KDM1A: variants seen among roughly 807,000 people sequenced by gnomAD.
KDM1A encodes lysine-specific histone demethylase 1A.
In KDM1A, 49 loss-of-function variants were observed where a neutral mutation model predicts 109.4. The observed-to-expected ratio is 0.45, with a 90% CI of 0.36 to 0.57. The LOEUF (loss-of-function observed/expected upper bound fraction) is 0.57. KDM1A is among the 20% of genes least tolerant of loss of function. The probability of loss-of-function intolerance (pLI) is 0.00; values close to 1 mark genes in which losing one functional copy is unlikely to be tolerated. For missense variants in KDM1A, 668 were observed against 1,116.6 expected, an observed-to-expected ratio of 0.60 and a Z score of 5.73; for synonymous variants, 380 against 415.4, an observed-to-expected ratio of 0.91 and a Z score of 1.04.
intron 16 of KDM1A, among the ~76,000 whole-genome samples, chr1:23,078,122 C>G (rs750161165): frequency 1.4e-4 from 21 of 152,082 alleles, no homozygotes; most frequent in African/African-American, 2.2e-4. Context: ...CTGCGCTGCC[C>G]CTTTCCTTGG....
chr1:23,046,293 TTC>T (rs1282858529), intron 3 of KDM1A, among the ~76,000 whole-genome samples: 1 of 152,166 alleles, frequency 6.6e-6, no homozygotes, highest in Non-Finnish European at 1.5e-5. Flanking sequence ...GGTTGTACAA[TTC>T]TCTTTTCGTT....
At chr1:23,041,434 G>GC (rs1642328517) in intron 2 of KDM1A, among the ~76,000 whole-genome samples, 4 of 79,026 alleles carry the variant, frequency 5.1e-5, no homozygotes, top group Admixed American at 1.3e-4. Context: ...TTCTTTTCTT[G>GC]CTTTTTTTTT....
At chr1:23,054,243 G>A (rs546697530) in intron 5 of KDM1A, among the ~76,000 whole-genome samples, 1 of 152,186 alleles carries the variant, frequency 6.6e-6, no homozygotes, top group African/African-American at 2.4e-5. Context: ...CATTCCATTT[G>A]TGGTGGAATG....
At chr1:23,069,026 C>CT in intron 11 of KDM1A, 35 bp from the exon 12 acceptor site, 1 of 1,469,070 alleles carries the variant, frequency 6.8e-7, no homozygotes, top group Non-Finnish European at 9.3e-7. Context: ...GCAAAGTTGG[C>CT]TTTGAGAGCA....
chr1:23,079,753 C>G lies in KDM1A; in HGVS notation c.2170+86C>G, dbSNP rs567151. On this transcript the variant is annotated intron_variant, in intron 18 of 20. Coordinates refer to ENST00000400181, the MANE Select transcript of KDM1A (RefSeq NM_001009999.3). The surrounding 1 kb of genome is among the most constrained non-coding windows in gnomAD (Gnocchi z 5.6). ...TTTTGGGTTTTCTCAATATATATGC[C>G]TTAATTTCTCTCTTTATTAACTCAA... 3.8e-3 allele frequency: 2,724 copies of G among 717,808 alleles called. 68 individuals carry two copies. The African/African-American group carries it at 0.044, about 12-fold the overall frequency. 44.5% of individuals were successfully genotyped at this position (717,808 alleles called of 1,614,324 possible). A position where few individuals can be genotyped will look rare whatever the true frequency, so the allele number is the denominator to read the frequency against.
At chr1:23,073,808 G>A (rs919725317) in intron 15 of KDM1A, among the ~76,000 whole-genome samples, 1 of 152,206 alleles carries the variant, frequency 6.6e-6, no homozygotes, top group African/African-American at 2.4e-5. Flanking sequence ...TGTGCATGAA[G>A]TTTTTGAGAT....
chr1:23,024,141 A>T (rs1641726019), intron 1 of KDM1A, among the ~76,000 whole-genome samples: 1 of 151,742 alleles, frequency 6.6e-6, no homozygotes, highest in Non-Finnish European at 1.5e-5. Context: ...GAGCCACCTC[A>T]CCCAACCAAG....
intron 18 of KDM1A, chr1:23,081,195 C>T (rs756342981): frequency 2.4e-6 from 1 of 417,774 alleles, no homozygotes; most frequent in Non-Finnish European, 4.3e-6. Flanking sequence ...TGTATTTTGC[C>T]AGGTTAGAAG....
intron 8 of KDM1A, 40 bp from the exon 9 acceptor site, chr1:23,059,033 C>G: frequency 2.3e-6 from 3 of 1,318,550 alleles, no homozygotes; most frequent in Non-Finnish European, 3.2e-6. Flanking sequence ...GTTCTCTCTT[C>G]ATAGGTCTAT....
rs1421878551 is a variant in KDM1A, at chr1:23,042,448, T to A, written c.518-1979T>A. On this transcript the variant is annotated intron_variant, in intron 2 of 20. Transcript: ENST00000400181. ...AATCTATGAAATATATTATTTTTTT[T>A]TTTTTTTTTTTTTTTTTTTTTTGAG... Among the ~76,000 whole-genome samples the A allele has an allele frequency of 6.0e-3, 548 of 91,360 alleles. 28 individuals carry two copies. Among genetic ancestry groups the A allele is most frequent in the African/African-American group, 0.021 (492 of 23,660 alleles). 59.9% of individuals were successfully genotyped at this position (91,360 alleles called of 152,430 possible). A position where few individuals can be genotyped will look rare whatever the true frequency, so the allele number is the denominator to read the frequency against.
chr1:23,058,921 A>T, intron 8 of KDM1A, 152 bp from the exon 9 acceptor site: 1 of 457,624 alleles, frequency 2.2e-6, no homozygotes, highest in Non-Finnish European at 3.8e-6. Flanking sequence ...TGTCTTACAT[A>T]TTTTTACTTA....
chr1:23,081,809 A>T (rs1643628040), intron 19 of KDM1A: 2 of 492,262 alleles, frequency 4.1e-6, no homozygotes, highest in East Asian at 6.7e-5. Flanking sequence ...CTTTAGAGTC[A>T]CACCAGATCC....
At position 23,055,083 on chromosome 1, in the gene KDM1A, G is replaced by A; in HGVS notation, c.805G>A (p.Val269Ile). 6.2e-7 allele frequency: 1 copy of A among 1,608,928 alleles called. No homozygotes were observed. The highest frequency in any genetic ancestry group is 8.5e-7 in the Non-Finnish European group (1 of 1,177,258). Reference sequence around the variant, plus strand: ...TTATTCTGTAGGTGATACTGTGCTTGTCCACCGAGTTCACAGTTATTTAGA... The same window carrying A: ...TTATTCTGTAGGTGATACTGTGCTTATCCACCGAGTTCACAGTTATTTAGA... ...EAPYNSDTVL[V>I]HRVHSYLERH... The change falls in exon 6 of 21, where the codon GTC becomes ATC. Residue 269 changes from valine to isoleucine, a missense_variant. This residue lies in a region of KDM1A where 149 missense variants were observed against 189.7 expected (regional missense o/e 0.79). Transcript: ENST00000400181.
chr1:23,034,895 G>A (rs1642097211), intron 2 of KDM1A, among the ~76,000 whole-genome samples: 1 of 152,128 alleles, frequency 6.6e-6, no homozygotes, highest in African/African-American at 2.4e-5. Flanking sequence ...AGAGACATCA[G>A]AAGTGTGTGT....
At chr1:23,044,275 C>G (rs1418403954) in intron 2 of KDM1A, 152 bp from the exon 3 acceptor site, 2 of 658,212 alleles carry the variant, frequency 3.0e-6, no homozygotes, top group Admixed American at 5.0e-5. Context: ...GATGTAATTC[C>G]CTGGGCCTTG....
At chr1:23,041,663 G>A (rs1361850246) in intron 2 of KDM1A, among the ~76,000 whole-genome samples, 7 of 151,598 alleles carry the variant, frequency 4.6e-5, no homozygotes, top group Non-Finnish European at 1.0e-4. Context: ...GGCTGGTCTT[G>A]AACTCCTGAC....
rs1643498721 is a variant in KDM1A, at chr1:23,077,432, C to G, written c.1867+72C>G. 7.5e-6 allele frequency: 11 copies of G among 1,474,968 alleles called. No individual in the cohort carries two copies. In the East Asian group the frequency reaches 2.6e-4, roughly 35 times the overall value. The allele number at this position is 1,474,968 out of a possible 1,614,324, so 91.4% of individuals were successfully genotyped here. On this transcript the variant is annotated intron_variant, in intron 16 of 20. Transcript: ENST00000400181. ...GGACTGATCTTTTGTTAGGTGCGAC[C>G]TATCAGGTACATTTCCTGATAGAGT...
At chr1:23,031,541 A>G (rs1056101290) in intron 2 of KDM1A, among the ~76,000 whole-genome samples, 1 of 151,944 alleles carries the variant, frequency 6.6e-6, no homozygotes, top group African/African-American at 2.4e-5. Flanking sequence ...AGATTAAGAC[A>G]TACTTCATTT....
chr1:23,069,462 A>C (rs656053), intron 12 of KDM1A, among the ~76,000 whole-genome samples: 123,338 of 152,076 alleles, frequency 0.81, 50,422 homozygotes, highest in Non-Finnish European at 0.84. Context: ...TGTCTTGGGC[A>C]ACACATAAAA....
Sources: allele counts gnomAD v4.1 joint callset (sites outside exome capture counted in the v4.1 genomes callset), GRCh38; gene constraint gnomAD v4.1.1; regional missense constraint gnomAD v4.1.1; non-coding constraint Gnocchi (gnomAD v3.1); transcripts MANE v1.5; gene names NCBI Gene and HGNC (gene_info 2026-07-23, HGNC 2026-07-21).